The following FHOD3 variants were observed in gnomAD, a reference collection of about 807,000 sequenced individuals.
FHOD3 encodes FH1/FH2 domain-containing protein 3.
FHOD3 carries 90 observed loss-of-function variants against 173.0 expected under a neutral mutation model. That is an observed-to-expected ratio of 0.52 (90% confidence interval 0.44 to 0.62). The LOEUF is 0.62. Ranked by LOEUF, FHOD3 falls within the 20% of genes least tolerant of loss-of-function variation. The pLI is 0.00. For synonymous variants in FHOD3, 828 were observed against 823.0 expected, an observed-to-expected ratio of 1.01 and a Z score of -0.10; for missense variants, 1,945 against 2,034.7, an observed-to-expected ratio of 0.96 and a Z score of 0.85.
intron 10 of FHOD3, among the ~76,000 whole-genome samples, chr18:36,641,771 C>T (rs547401900): frequency 5.7e-4 from 86 of 152,180 alleles, no homozygotes; most frequent in Non-Finnish European, 1.1e-3. Flanking sequence ...GCCTGGCCAA[C>T]ATGGTGAAAC....
intron 5 of FHOD3, among the ~76,000 whole-genome samples, chr18:36,537,442 G>A (rs542177509): frequency 6.6e-6 from 1 of 152,310 alleles, no homozygotes; most frequent in Non-Finnish European, 1.5e-5. Flanking sequence ...CCCTTGCCCA[G>A]GAGCCAGTGG....
At chr18:36,535,777 A>T (rs1239540980) in intron 5 of FHOD3, among the ~76,000 whole-genome samples, 2 of 152,196 alleles carry the variant, frequency 1.3e-5, no homozygotes, top group East Asian at 1.9e-4. Context: ...AATTCAATAA[A>T]TTTTTTTGCC....
intron 3 of FHOD3, among the ~76,000 whole-genome samples, chr18:36,450,656 G>A (rs1380144242): frequency 2.6e-5 from 4 of 151,702 alleles, no homozygotes; most frequent in African/African-American, 9.7e-5. Context: ...AGCTGGGCAT[G>A]GTGGTGCACA....
At chr18:36,383,956 A>T (rs2047907927) in intron 3 of FHOD3, among the ~76,000 whole-genome samples, 1 of 152,184 alleles carries the variant, frequency 6.6e-6, no homozygotes, top group Non-Finnish European at 1.5e-5. Context: ...TGAACCCTTG[A>T]TGCTATAGCA....
chr18:36,541,193 G>C (rs182732356), intron 5 of FHOD3, among the ~76,000 whole-genome samples: 1 of 145,504 alleles, frequency 6.9e-6, no homozygotes, highest in East Asian at 2.1e-4. Context: ...GGAGGTTGCA[G>C]TGAGCCAAGA....
intron 5 of FHOD3, among the ~76,000 whole-genome samples, chr18:36,524,284 A>G (rs2146659108): frequency 1.4e-5 from 2 of 144,888 alleles, no homozygotes; most frequent in African/African-American, 2.7e-5. Context: ...TCTACCTCAA[A>G]AAAAAAAAAA....
At chr18:36,618,150 A>G (rs2033381891) in intron 9 of FHOD3, among the ~76,000 whole-genome samples, 1 of 135,764 alleles carries the variant, frequency 7.4e-6, no homozygotes, top group Non-Finnish European at 1.6e-5. Context: ...CTGTTTTGTA[A>G]CTCAATGTTT....
chr18:36,742,892 C>T (rs1218894150), intron 22 of FHOD3, 36 bp downstream of exon 22: 2 of 1,592,882 alleles, frequency 1.3e-6, no homozygotes, highest in East Asian at 2.2e-5. Context: ...GTAGCCCCCC[C>T]TTGTCACAAA....
At chr18:36,696,448 T>A (rs2149528534) in intron 17 of FHOD3, among the ~76,000 whole-genome samples, 1 of 152,330 alleles carries the variant, frequency 6.6e-6, no homozygotes, top group African/African-American at 2.4e-5. Flanking sequence ...TGTTTCAGAT[T>A]CTGAAGAACT....
intron 14 of FHOD3, among the ~76,000 whole-genome samples, chr18:36,673,582 G>A (rs966293716): frequency 9.2e-5 from 14 of 152,270 alleles, no homozygotes; most frequent in African/African-American, 3.4e-4. Context: ...CAGAGAGCAG[G>A]CAGAGGGAGA....
chr18:36,427,885 T>G (rs2050334683), intron 3 of FHOD3, among the ~76,000 whole-genome samples: 1 of 152,260 alleles, frequency 6.6e-6, no homozygotes, highest in African/African-American at 2.4e-5. Flanking sequence ...TTATTCATAA[T>G]GAACGTAATT....
At chr18:36,773,266 C>G (rs1279867497) in intron 28 of FHOD3, among the ~76,000 whole-genome samples, 1 of 152,156 alleles carries the variant, frequency 6.6e-6, no homozygotes, top group Non-Finnish European at 1.5e-5. Flanking sequence ...GTCCCCCCCA[C>G]AGTGTCCGCC....
intron 17 of FHOD3, among the ~76,000 whole-genome samples, chr18:36,695,158 C>T (rs1209977333): frequency 6.6e-6 from 1 of 150,946 alleles, no homozygotes; most frequent in African/African-American, 2.4e-5. Flanking sequence ...GCCTGACCAA[C>T]GTGGAGAAAA....
At chr18:36,408,780 G>T (rs916057259) in intron 3 of FHOD3, among the ~76,000 whole-genome samples, 1 of 152,172 alleles carries the variant, frequency 6.6e-6, no homozygotes, top group African/African-American at 2.4e-5. Flanking sequence ...AGGATGTCTA[G>T]CGCCCAGGAG....
rs908035699 is a variant in FHOD3, at chr18:36,551,841, C to G, written c.512-24610C>G. On this transcript the variant is annotated intron_variant, in intron 5 of 28. Transcript: ENST00000590592. ...GTATTATTTCTGAGGGCTCTGTTCTCTTCCATTGATCTATGTCTCTGTTTT... is the reference window on the plus strand; with the variant it reads ...GTATTATTTCTGAGGGCTCTGTTCTGTTCCATTGATCTATGTCTCTGTTTT... 7.2e-5 allele frequency among the ~76,000 whole-genome samples: 11 copies of G among 152,036 alleles called. No individual in the cohort carries two copies. The South Asian group carries it at 1.0e-3, about 14-fold the overall frequency.
intron 17 of FHOD3, among the ~76,000 whole-genome samples, chr18:36,701,827 C>T (rs1157691660): frequency 6.6e-6 from 1 of 152,090 alleles, no homozygotes; most frequent in African/African-American, 2.4e-5. Flanking sequence ...TAGCACTGTC[C>T]AAAGGGACTT....
intron 1 of FHOD3, among the ~76,000 whole-genome samples, chr18:36,332,311 T>G (rs1189083879): frequency 1.3e-5 from 2 of 152,208 alleles, no homozygotes; most frequent in East Asian, 3.9e-4. Flanking sequence ...GCCCTATTTA[T>G]TTCAGAGTGT....
At chr18:36,459,736 C>A (rs1366703376) in intron 3 of FHOD3, among the ~76,000 whole-genome samples, 3 of 152,084 alleles carry the variant, frequency 2.0e-5, no homozygotes, top group Admixed American at 6.5e-5. Flanking sequence ...AAAGATAGTA[C>A]AGAGAATTCC....
At chr18:36,480,035 T>C (rs957851070) in intron 3 of FHOD3, among the ~76,000 whole-genome samples, 1 of 152,240 alleles carries the variant, frequency 6.6e-6, no homozygotes, top group African/African-American at 2.4e-5. Flanking sequence ...TAAGATTTTG[T>C]AAATTGTAAA....
Sources: allele counts gnomAD v4.1 joint callset (sites outside exome capture counted in the v4.1 genomes callset), GRCh38; gene constraint gnomAD v4.1.1; transcripts MANE v1.5; gene names NCBI Gene and HGNC (gene_info 2026-07-23, HGNC 2026-07-21).